Variants in GMDS observed in about 807,000 individuals in gnomAD.
GMDS encodes the protein GDP-mannose 4,6 dehydratase.
Under a neutral mutation model 49.9 loss-of-function variants are expected in GMDS, and 20 were observed. The ratio of observed to expected loss-of-function variants is 0.40; its 90% CI spans 0.28 to 0.58. The LOEUF (loss-of-function observed/expected upper bound fraction) is 0.58. Among genes scored for constraint, GMDS ranks in the 20% least tolerant of loss-of-function variants. The pLI is 0.42. For synonymous variants in GMDS, 177 were observed against 178.6 expected, an observed-to-expected ratio of 0.99 and a Z score of 0.07; for missense variants, 362 against 481.4, an observed-to-expected ratio of 0.75 and a Z score of 2.32.
At chr6:2,151,507 C>T (rs765467327) in intron 1 of GMDS, among the ~76,000 whole-genome samples, 2 of 152,020 alleles carry the variant, frequency 1.3e-5, no homozygotes, top group Non-Finnish European at 2.9e-5. Context: ...AGCTATATGT[C>T]TTTGTGACTG....
chr6:1,645,052 C>T (rs1763444696), intron 9 of GMDS, among the ~76,000 whole-genome samples: 2 of 151,848 alleles, frequency 1.3e-5, no homozygotes, highest in Admixed American at 1.3e-4. Context: ...TCTCTTGCCT[C>T]AGCCTCATGA....
intron 9 of GMDS, among the ~76,000 whole-genome samples, chr6:1,702,761 A>T (rs752507111): frequency 3.3e-5 from 5 of 152,162 alleles, no homozygotes; most frequent in Non-Finnish European, 7.3e-5. Context: ...AGGGTCTTGG[A>T]GCTCTGGACA....
At chr6:1,771,186 A>G (rs1340045249) in intron 7 of GMDS, among the ~76,000 whole-genome samples, 1 of 152,174 alleles carries the variant, frequency 6.6e-6, no homozygotes, top group Non-Finnish European at 1.5e-5. Context: ...ATTAATCTGG[A>G]GCGTGTCAGC....
intron 4 of GMDS, among the ~76,000 whole-genome samples, chr6:2,026,039 C>A (rs1768577957): frequency 6.6e-6 from 1 of 152,160 alleles, no homozygotes; most frequent in South Asian, 2.1e-4. Flanking sequence ...TTCCTTAGCA[C>A]ATTGTACTCA....
chr6:1,861,842 G>A (rs1403230965), intron 7 of GMDS, among the ~76,000 whole-genome samples: 1 of 152,112 alleles, frequency 6.6e-6, no homozygotes, highest in African/African-American at 2.4e-5. Flanking sequence ...TGTCTTTTCG[G>A]ACTTCACCTC....
At chr6:2,176,626 G>A (rs138300595) in intron 1 of GMDS, among the ~76,000 whole-genome samples, 1 of 152,210 alleles carries the variant, frequency 6.6e-6, no homozygotes, top group African/African-American at 2.4e-5. Flanking sequence ...GGGTAGGAGG[G>A]GAGGGCATGT....
At chr6:2,177,827 T>C (rs1778352516) in intron 1 of GMDS, among the ~76,000 whole-genome samples, 1 of 152,090 alleles carries the variant, frequency 6.6e-6, no homozygotes, top group South Asian at 2.1e-4. Context: ...CAAAAAGACA[T>C]GCATACTTGA....
At chr6:2,070,590 T>C (rs148685285) in intron 4 of GMDS, among the ~76,000 whole-genome samples, 3 of 152,200 alleles carry the variant, frequency 2.0e-5, no homozygotes, top group African/African-American at 7.2e-5. Flanking sequence ...ATGTTATATA[T>C]GTTTAAAGGC....
intron 8 of GMDS, among the ~76,000 whole-genome samples, chr6:1,739,212 A>G (rs774463146): frequency 6.6e-6 from 1 of 152,234 alleles, no homozygotes; most frequent in Non-Finnish European, 1.5e-5. Flanking sequence ...CTTGGGTCAC[A>G]ACATACTCAT....
intron 7 of GMDS, among the ~76,000 whole-genome samples, chr6:1,903,777 GC>G (rs5873820): frequency 0.22 from 33,639 of 152,016 alleles, 4,493 homozygotes; most frequent in Middle Eastern, 0.34. Context: ...GTGCTTACGG[GC>G]GCCTCCCTCC....
intron 4 of GMDS, among the ~76,000 whole-genome samples, chr6:1,979,519 A>G (rs1418652301): frequency 6.6e-6 from 1 of 152,224 alleles, no homozygotes; most frequent in East Asian, 1.9e-4. Flanking sequence ...AGAAATAAAC[A>G]AAACCTCTGA....
chr6:2,096,916 C>T (rs1268887292), intron 4 of GMDS, among the ~76,000 whole-genome samples: 1 of 151,930 alleles, frequency 6.6e-6, no homozygotes. Context: ...AAGTTAGTGA[C>T]TGTAAATTTT....
At chr6:1,797,821 G>T (rs1367210080) in intron 7 of GMDS, among the ~76,000 whole-genome samples, 1 of 152,130 alleles carries the variant, frequency 6.6e-6, no homozygotes, top group South Asian at 2.1e-4. Flanking sequence ...ACCCCAATGG[G>T]CACAGCTTGG....
At chr6:1,915,917 T>C (rs1266191609) in intron 7 of GMDS, among the ~76,000 whole-genome samples, 1 of 152,156 alleles carries the variant, frequency 6.6e-6, no homozygotes. Context: ...AAGGAAGGCT[T>C]TGACTTTAAA....
At chr6:1,934,745 ATTT>A (rs781658231) in intron 6 of GMDS, among the ~76,000 whole-genome samples, 1 of 150,758 alleles carries the variant, frequency 6.6e-6, no homozygotes, top group Non-Finnish European at 1.5e-5. Context: ...GCTTAAAATG[ATTT>A]TTTTTTTAAA....
At chr6:2,182,134 C>A (rs1320328648) in intron 1 of GMDS, among the ~76,000 whole-genome samples, 1 of 152,226 alleles carries the variant, frequency 6.6e-6, no homozygotes, top group Admixed American at 6.5e-5. Flanking sequence ...AAACTAGTAA[C>A]AACAGTGCCT....
At chr6:1,788,665 T>G (rs1769411747) in intron 7 of GMDS, among the ~76,000 whole-genome samples, 1 of 152,246 alleles carries the variant, frequency 6.6e-6, no homozygotes, top group Non-Finnish European at 1.5e-5. Flanking sequence ...AATCTAGTCA[T>G]TAAGAAATAT....
intron 1 of GMDS, among the ~76,000 whole-genome samples, chr6:2,162,184 G>A (rs187388389): frequency 1.0e-3 from 152 of 152,250 alleles, no homozygotes; most frequent in Middle Eastern, 3.4e-3. Context: ...AAAAATAAAG[G>A]AAGTCCATTT....
intron 1 of GMDS, among the ~76,000 whole-genome samples, chr6:2,134,614 T>C (rs1035997312): frequency 6.6e-6 from 1 of 152,206 alleles, no homozygotes; most frequent in Non-Finnish European, 1.5e-5. Flanking sequence ...CCTGACCACA[T>C]GCACTTTTTG....
Sources: allele counts gnomAD v4.1 joint callset (sites outside exome capture counted in the v4.1 genomes callset), GRCh38; gene constraint gnomAD v4.1.1; transcripts MANE v1.5; gene names NCBI Gene and HGNC (gene_info 2026-07-23, HGNC 2026-07-21).